Variants in HOXB3 observed in about 807,000 individuals in gnomAD.
The protein encoded by HOXB3 is homeobox protein Hox-B3.
A neutral mutation model predicts 29.2 loss-of-function variants in HOXB3; 17 were observed. That is an observed-to-expected ratio of 0.58 (90% CI 0.40 to 0.87). HOXB3 has a LOEUF of 0.87. HOXB3 is among the 40% of genes least tolerant of loss of function. The probability of loss-of-function intolerance (pLI) is 0.00; values close to 1 mark genes in which losing one functional copy is unlikely to be tolerated. For synonymous variants in HOXB3, 317 were observed against 285.9 expected (o/e 1.11, Z -1.10); for missense variants, 637 against 616.3 (o/e 1.03, Z -0.35).
At chr17:48,577,093 G>A in intron 1 of HOXB3, 1 of 1,435,572 alleles carries the variant, frequency 7.0e-7, no homozygotes, top group Non-Finnish European at 9.3e-7. Context: ...TTCTTCCAGG[G>A]AACACAGCGT....
At chr17:48,585,556 G>A (rs1348664281) in intron 1 of HOXB3, among the ~76,000 whole-genome samples, 2 of 152,180 alleles carry the variant, frequency 1.3e-5, no homozygotes, top group Non-Finnish European at 2.9e-5. Context: ...TGGCAGCTCC[G>A]GGATGTTACA....
chr17:48,575,548 CTG>C (rs1200814810), intron 1 of HOXB3: 1 of 152,502 alleles, frequency 6.6e-6, no homozygotes, highest in Non-Finnish European at 1.5e-5. Flanking sequence ...TATTGTCACT[CTG>C]TACAGCACAC....
intron 1 of HOXB3, chr17:48,576,313 C>T (rs1014850614): frequency 1.3e-5 from 2 of 157,536 alleles, no homozygotes; most frequent in East Asian, 3.7e-4. Flanking sequence ...GTCTTCTCCT[C>T]GGCAGAGGAA....
chr17:48,584,851 A>C (rs2144915444), intron 1 of HOXB3, among the ~76,000 whole-genome samples: 1 of 151,904 alleles, frequency 6.6e-6, no homozygotes, highest in East Asian at 1.9e-4. Context: ...GCAACCCACA[A>C]GTCTTCCTTA....
At chr17:48,564,145 G>A (rs2069298335) in intron 2 of HOXB3, among the ~76,000 whole-genome samples, 1 of 151,962 alleles carries the variant, frequency 6.6e-6, no homozygotes, top group East Asian at 1.9e-4. Flanking sequence ...CTGGGGGCGG[G>A]GGTCTCAGCC....
rs756366667 is a variant in HOXB3, at chr17:48,550,879, C to T, written c.751G>A (p.Gly251Arg). 1.2e-6 allele frequency: 2 copies of T among 1,613,928 alleles called. No individual in the cohort carries two copies. Among genetic ancestry groups the T allele is most frequent in the Non-Finnish European group, 1.7e-6 (2 of 1,179,876 alleles). The change falls in exon 5 of 5, where the codon GGA becomes AGA. Residue 251 changes from glycine to arginine, a missense_variant. Physicochemically the swap from Gly to Arg is moderately radical, Grantham distance 125 (BLOSUM62 -2). Coordinates refer to ENST00000498678, the MANE Select transcript of HOXB3 (RefSeq NM_001384749.1). ...MKYKKDQKAK[G>R]LASSSGGPSP... is the part of the protein sequence containing the mutation. ...GGGCCCCCCGACGACGAGGCCAATC[C>T]CTTGGCCTTCTGGTCCTTCTTGTAC...
intron 2 of HOXB3, among the ~76,000 whole-genome samples, chr17:48,562,688 G>A (rs928427571): frequency 1.3e-5 from 2 of 152,142 alleles, no homozygotes; most frequent in East Asian, 1.9e-4. Context: ...GGGCCCAGCC[G>A]CTTCCTCTCA....
intron 2 of HOXB3, among the ~76,000 whole-genome samples, chr17:48,566,070 A>G (rs1015592653): frequency 2.0e-5 from 3 of 152,188 alleles, no homozygotes; most frequent in Non-Finnish European, 4.4e-5. Flanking sequence ...GTTAGGGGAG[A>G]AGACAGAGTC....
intron 1 of HOXB3, chr17:48,575,927 CCTCCCGGGT>C (rs1567962540): frequency 6.6e-6 from 1 of 152,402 alleles, no homozygotes; most frequent in Non-Finnish European, 1.5e-5. Flanking sequence ...AGAGGAAGGC[CCTCCCGGGT>C]CTCTGAGTCT....
chr17:48,556,035 C>CA (rs1161833955), intron 2 of HOXB3, among the ~76,000 whole-genome samples: 1 of 151,962 alleles, frequency 6.6e-6, no homozygotes, highest in Non-Finnish European at 1.5e-5. Context: ...CCCCCTTTAG[C>CA]AAGCTTAGAT....
chr17:48,577,928 G>A lies in HOXB3; in HGVS notation c.-424-3914C>T, dbSNP rs138158637. 2.6e-4 allele frequency: 350 copies of A among 1,364,392 alleles called. 1 individual carries two copies. The Middle Eastern group carries it at 4.7e-3, about 18-fold the overall frequency. The allele number at this position is 1,364,392 out of a possible 1,614,324, so 84.5% of individuals were successfully genotyped here. On this transcript the variant is annotated intron_variant, in intron 1 of 4. Coordinates refer to ENST00000498678, the MANE Select transcript of HOXB3 (RefSeq NM_001384749.1). Reference sequence around the variant, plus strand: ...GGGCTCTTTGCACGCGGAGTGGGACGGGCTGGGGTGCAGGGGGTTCTGGGC... The same window carrying A: ...GGGCTCTTTGCACGCGGAGTGGGACAGGCTGGGGTGCAGGGGGTTCTGGGC...
chr17:48,578,638 C>T, intron 1 of HOXB3: 1 of 314,838 alleles, frequency 3.2e-6, no homozygotes, highest in Non-Finnish European at 5.8e-6. Flanking sequence ...AGAGAGAGAG[C>T]GAGAGAGAGA....
intron 1 of HOXB3, among the ~76,000 whole-genome samples, chr17:48,589,762 T>TG (rs2070114644): frequency 6.6e-6 from 1 of 152,146 alleles, no homozygotes; most frequent in South Asian, 2.1e-4. Context: ...GGGGGATAGT[T>TG]GTCTGAAGAT....
intron 2 of HOXB3, among the ~76,000 whole-genome samples, chr17:48,572,468 C>G (rs1023016495): frequency 7.2e-5 from 11 of 152,180 alleles, no homozygotes; most frequent in African/African-American, 1.9e-4. Context: ...AGTTTATTCC[C>G]CTGGCCCTCT....
chr17:48,558,149 T>G (rs991834447), intron 2 of HOXB3, among the ~76,000 whole-genome samples: 2 of 152,172 alleles, frequency 1.3e-5, no homozygotes, highest in Non-Finnish European at 2.9e-5. Flanking sequence ...GAGGAGAACC[T>G]GATCGCTTTT....
At chr17:48,578,135 A>G in intron 1 of HOXB3, 1 of 1,545,418 alleles carries the variant, frequency 6.5e-7, no homozygotes, top group African/African-American at 1.4e-5. Context: ...GTAGCGCTGC[A>G]CGGTGCACGC....
chr17:48,570,015 T>C (rs2069531219), intron 2 of HOXB3, among the ~76,000 whole-genome samples: 1 of 152,184 alleles, frequency 6.6e-6, no homozygotes, highest in Non-Finnish European at 1.5e-5. Flanking sequence ...CCTGTCTCAT[T>C]TCCCCCCCTT....
At chr17:48,559,996 G>T (rs1284636713) in intron 2 of HOXB3, 1 of 152,278 alleles carries the variant, frequency 6.6e-6, no homozygotes, top group Non-Finnish European at 1.5e-5. Flanking sequence ...CAGGCAGGTG[G>T]GCTCCTTGGT....
In HOXB3 at chr17:48,552,403, G is replaced by A; in HGVS notation, c.72C>T (p.Ser24=). 1 of 1,612,064 alleles carries A rather than the reference G, an allele frequency of 6.2e-7. No homozygotes were observed. Among genetic ancestry groups the A allele is most frequent in the Non-Finnish European group, 8.5e-7 (1 of 1,178,630 alleles). The change falls in exon 4 of 5, where the codon AGC becomes AGT. Residue 24 remains serine, a synonymous_variant. Transcript: ENST00000498678. ...LFGGYSSYPG[S]NGFGFDVPPQ... ...GGGGGACATCGAAGCCGAAGCCATT[G>A]CTGCCAGGGTACGAGGAATAGCCTC... is the stretch of plus-strand genomic sequence containing the variant.
Sources: allele counts gnomAD v4.1 joint callset (sites outside exome capture counted in the v4.1 genomes callset), GRCh38; gene constraint gnomAD v4.1.1; transcripts MANE v1.5; gene names NCBI Gene and HGNC (gene_info 2026-07-23, HGNC 2026-07-21).